Variants in HOATZ observed in about 807,000 individuals in gnomAD.
The protein encoded by HOATZ is cilia- and flagella-associated protein HOATZ.
Under a neutral mutation model 24.9 loss-of-function variants are expected in HOATZ, and 26 were observed. That is an observed-to-expected ratio of 1.04 (90% CI 0.76 to 1.45). HOATZ has a LOEUF of 1.45. Ranked by LOEUF, HOATZ falls within the 40% of genes most tolerant of loss-of-function variation. HOATZ has a pLI of 0.00. For missense variants in HOATZ, 226 were observed against 201.5 expected, an observed-to-expected ratio of 1.12 and a Z score of -0.74; for synonymous variants, 83 against 76.6, an observed-to-expected ratio of 1.08 and a Z score of -0.43.
chr11:111,536,420 T>A lies in HOATZ; in HGVS notation c.453-350T>A, dbSNP rs1203380676. ...GTTCATAGTAAGGTTTTAGTAGCAA[T>A]ATATTTATTATCCATCCCAGAATAT... On this transcript the variant is annotated intron_variant, in intron 5 of 5. Transcript: ENST00000375618. 4 of 193,762 alleles carry A rather than the reference T, an allele frequency of 2.1e-5. No individual in the cohort carries two copies. In the East Asian group the frequency reaches 4.8e-4, roughly 23 times the overall value. 12.0% of individuals were successfully genotyped at this position (193,762 alleles called of 1,614,324 possible). A position where few individuals can be genotyped will look rare whatever the true frequency, so the allele number is the denominator to read the frequency against.
chr11:111,529,064 A>T (rs1867368473), intron 3 of HOATZ, among the ~76,000 whole-genome samples: 1 of 152,246 alleles, frequency 6.6e-6, no homozygotes, highest in African/African-American at 2.4e-5. Flanking sequence ...AAAATGAGAT[A>T]ACCTATAAGG....
In HOATZ at chr11:111,533,927, T is replaced by C. The variant is rs1376428933; in HGVS notation, c.399+122T>C. On this transcript the variant is annotated intron_variant, in intron 4 of 5. Coordinates refer to ENST00000375618, the MANE Select transcript of HOATZ (RefSeq NM_001100388.2). ...TAGCTATAGTCCAGAGCCATTGATATACCAGAGTGGGGCAAGGTATAGACA... is the reference window on the plus strand; with the variant it reads ...TAGCTATAGTCCAGAGCCATTGATACACCAGAGTGGGGCAAGGTATAGACA... 8.7e-5 allele frequency: 55 copies of C among 635,326 alleles called. 1 individual carries two copies. The highest frequency in any genetic ancestry group is 7.6e-6 in the Non-Finnish European group (3 of 392,714). 39.4% of individuals were successfully genotyped at this position (635,326 alleles called of 1,614,324 possible). A position where few individuals can be genotyped will look rare whatever the true frequency, so the allele number is the denominator to read the frequency against.
At chr11:111,520,280 G>T (rs1867254527) in intron 3 of HOATZ, among the ~76,000 whole-genome samples, 1 of 152,080 alleles carries the variant, frequency 6.6e-6, no homozygotes, top group Non-Finnish European at 1.5e-5. Context: ...TTTATGAAAA[G>T]AATTATAAAT....
At chr11:111,523,893 A>G (rs1867300792) in intron 3 of HOATZ, among the ~76,000 whole-genome samples, 1 of 152,128 alleles carries the variant, frequency 6.6e-6, no homozygotes, top group South Asian at 2.1e-4. Flanking sequence ...TCTTTCTTTA[A>G]TTCTCTAGGA....
At chr11:111,530,166 A>T (rs1163878633) in intron 3 of HOATZ, among the ~76,000 whole-genome samples, 2 of 152,188 alleles carry the variant, frequency 1.3e-5, no homozygotes, top group Non-Finnish European at 2.9e-5. Flanking sequence ...TTTTCACAAC[A>T]ACCTTCCTCA....
intron 3 of HOATZ, among the ~76,000 whole-genome samples, chr11:111,530,092 T>C (rs938343259): frequency 4.6e-5 from 7 of 152,228 alleles, no homozygotes; most frequent in African/African-American, 1.7e-4. Flanking sequence ...AGTGTTATAA[T>C]AACTACCATT....
Position 111,537,001 on chromosome 11 carries a change from A to G in HOATZ, c.*174A>G, listed in dbSNP as rs1461511004. 5.2e-6 allele frequency: 3 copies of G among 574,994 alleles called. No homozygotes were observed. Among genetic ancestry groups the G allele is most frequent in the Non-Finnish European group, 9.3e-6 (3 of 321,964 alleles). 35.6% of individuals were successfully genotyped at this position (574,994 alleles called of 1,614,324 possible). A position where few individuals can be genotyped will look rare whatever the true frequency, so the allele number is the denominator to read the frequency against. ...GTTAGTGAGTACTTGTGTTAAAATA[A>G]AGAAATAAAGGTTAAATATGCAGGC... On this transcript the variant is annotated 3_prime_UTR_variant, in exon 6 of 6. Transcript: ENST00000375618.
chr11:111,520,834 GC>G (rs1867260331), intron 3 of HOATZ, among the ~76,000 whole-genome samples: 1 of 152,164 alleles, frequency 6.6e-6, no homozygotes, highest in Admixed American at 6.5e-5. Context: ...TGACTTAGTA[GC>G]CGAGAGAGAG....
intron 3 of HOATZ, among the ~76,000 whole-genome samples, chr11:111,525,256 G>A (rs950071563): frequency 6.6e-6 from 1 of 151,854 alleles, no homozygotes; most frequent in Non-Finnish European, 1.5e-5. Flanking sequence ...TTTAGGATAG[G>A]GTATCTAAAC....
intron 3 of HOATZ, among the ~76,000 whole-genome samples, chr11:111,520,443 C>T (rs1867256545): frequency 6.6e-6 from 1 of 152,162 alleles, no homozygotes; most frequent in Non-Finnish European, 1.5e-5. Flanking sequence ...ATCTGCAGAA[C>T]AATATCCCAG....
Position 111,514,832 on chromosome 11 carries a change from G to A in HOATZ, c.48G>A (p.Gln16=). 1 of 1,614,102 alleles carries A rather than the reference G, an allele frequency of 6.2e-7. No individual in the cohort carries two copies. Among genetic ancestry groups the A allele is most frequent in the African/African-American group, 1.3e-5 (1 of 75,014 alleles). Residue 16 remains glutamine (Q), a synonymous_variant, in exon 1 of 6, where the codon CAG becomes CAA. Transcript: ENST00000375618. ...AACCTAGCGGCCGAAAAGAGTCCCA[G>A]GAAATGTGCCCCCCGGGATTACTGG... is the stretch of plus-strand genomic sequence containing the variant. ...SEEPSGRKES[Q]EMCPPGLLVF...
At chr11:111,534,628 A>G (rs1353242392) in intron 5 of HOATZ, 164 bp downstream of exon 5, 1 of 642,028 alleles carries the variant, frequency 1.6e-6, no homozygotes, top group African/African-American at 1.8e-5. Flanking sequence ...CACAGCTATT[A>G]AAGCCTGTGT....
Position 111,536,794 on chromosome 11 carries a change from A to G in HOATZ, c.477A>G (p.Lys159=). 6.2e-7 allele frequency: 1 copy of G among 1,613,844 alleles called. No homozygotes were observed. The highest frequency in any genetic ancestry group is 1.7e-4 in the Middle Eastern group (1 of 6,058). The stretch of plus-strand genomic sequence containing the variant: ...GGAAAGTGGTATCAGAGTCAGATAA[A>G]GAGGACCAAGAAGAAGTCAAAACTT... ...KAKKVVSESD[K]EDQEEVKTLD The change falls in exon 6 of 6, where the codon AAA becomes AAG. Residue 159 remains lysine, a synonymous_variant. Transcript: ENST00000375618.
At chr11:111,534,708 G>A in intron 5 of HOATZ, 1 of 480,830 alleles carries the variant, frequency 2.1e-6, no homozygotes, top group Non-Finnish European at 3.8e-6. Context: ...CAGCCTTGAA[G>A]CTCTGTGCAC....
intron 5 of HOATZ, chr11:111,535,495 C>T (rs1867441111): frequency 6.6e-6 from 1 of 152,198 alleles, no homozygotes; most frequent in Admixed American, 6.5e-5. Flanking sequence ...CCCATGCTGA[C>T]TCACCTAATA....
At chr11:111,535,055 C>T (rs1257375645) in intron 5 of HOATZ, 1 of 152,086 alleles carries the variant, frequency 6.6e-6, no homozygotes, top group Admixed American at 6.5e-5. Context: ...GACTAAAAAC[C>T]AATGTGGCCA....
chr11:111,524,049 C>T (rs1867303160), intron 3 of HOATZ, among the ~76,000 whole-genome samples: 1 of 152,152 alleles, frequency 6.6e-6, no homozygotes, highest in East Asian at 1.9e-4. Flanking sequence ...TAGGTGATCT[C>T]CTGACATACC....
intron 3 of HOATZ, among the ~76,000 whole-genome samples, chr11:111,532,498 T>G (rs951496068): frequency 6.6e-6 from 1 of 152,084 alleles, no homozygotes. Flanking sequence ...GAGAATGCCA[T>G]GTGACAACAA....
intron 3 of HOATZ, among the ~76,000 whole-genome samples, chr11:111,527,590 C>T (rs753148048): frequency 6.6e-6 from 1 of 152,160 alleles, no homozygotes; most frequent in Non-Finnish European, 1.5e-5. Context: ...TGGGGAAAGC[C>T]TTCTCACTGA....
Sources: gnomAD v4.1 joint callset for allele counts (sites outside exome capture counted in the v4.1 genomes callset) on GRCh38, gnomAD v4.1.1 for gene constraint, MANE v1.5 for transcripts, NCBI Gene and HGNC (gene_info 2026-07-23, HGNC 2026-07-21) for gene names.